TESPA1: variants seen among roughly 807,000 people sequenced by gnomAD.
TESPA1 encodes thymocyte expressed, positive selection associated 1.
Under a neutral mutation model 57.9 loss-of-function variants are expected in TESPA1, and 33 were observed. The ratio of observed to expected loss-of-function variants is 0.57; its 90% CI spans 0.43 to 0.76. The LOEUF (loss-of-function observed/expected upper bound fraction) is 0.76. Ranked by LOEUF, TESPA1 falls within the 30% of genes least tolerant of loss-of-function variation. The pLI, the probability that TESPA1 is intolerant of heterozygous loss-of-function variation, is 0.00. For missense variants in TESPA1, 618 were observed against 632.9 expected (o/e 0.98, Z 0.25); for synonymous variants, 227 against 228.9 (o/e 0.99, Z 0.07).
At chr12:54,977,341 C>T (rs192530204) in intron 1 of TESPA1, among the ~76,000 whole-genome samples, 14 of 152,160 alleles carry the variant, frequency 9.2e-5, no homozygotes, top group African/African-American at 3.4e-4. Context: ...GCAGGGAGAT[C>T]GGCTGCAAAA....
intron 3 of TESPA1, 104 bp from the exon 4 acceptor site, chr12:54,967,996 T>A: frequency 6.4e-7 from 1 of 1,567,198 alleles, no homozygotes; most frequent in Non-Finnish European, 8.6e-7. Flanking sequence ...CCAGTGAGAG[T>A]CAGTAGTATT....
Position 54,983,771 on chromosome 12 carries a change from C to A in TESPA1, c.-46+814G>T, listed in dbSNP as rs116755383. ...ATGGGAAAACCCCAGGGTGGAGGAT[C>A]TTTCCACTCCTCCATCTACCCCAAA... On this transcript the variant is annotated intron_variant, in intron 1 of 10. Coordinates refer to ENST00000449076, the MANE Select transcript of TESPA1 (RefSeq NM_001136030.3). 7.4e-3 allele frequency among the ~76,000 whole-genome samples: 1,125 copies of A among 152,280 alleles called. 14 individuals carry two copies. Among genetic ancestry groups the A allele is most frequent in the African/African-American group, 0.025 (1,055 of 41,562 alleles).
In TESPA1 at chr12:54,950,285, G is replaced by C; in HGVS notation, c.*107C>G. ...GGGGGTTTGGAGGACCAAGGAGTAG[G>C]GGCTGGATGTTGAGGGCAGTGCAGT... On this transcript the variant is annotated 3_prime_UTR_variant, in exon 11 of 11. Transcript: ENST00000449076. The C allele has an allele frequency of 4.4e-6, 2 of 456,896 alleles. No homozygotes were observed. The highest frequency in any genetic ancestry group is 3.1e-5 in the South Asian group (2 of 64,568). The allele number at this position is 456,896 out of a possible 1,614,324, so 28.3% of individuals were successfully genotyped here. A position where few individuals can be genotyped will look rare whatever the true frequency, so the allele number is the denominator to read the frequency against.
chr12:54,948,176 G>C lies in TESPA1; in HGVS notation c.*2216C>G, dbSNP rs1331367618. ...ATTATTCTCTGGCAGGCAGGGGTGG[G>C]GGTCACAAGGTGCTCAGTGGGGGAG... On this transcript the variant is annotated 3_prime_UTR_variant, in exon 11 of 11. Transcript: ENST00000449076. The C allele has an allele frequency of 6.5e-6, 1 of 152,704 alleles. No homozygotes were observed. The highest frequency in any genetic ancestry group is 1.9e-4 in the East Asian group (1 of 5,210). The allele number at this position is 152,704 out of a possible 1,614,324, so 9.5% of individuals were successfully genotyped here. A position where few individuals can be genotyped will look rare whatever the true frequency, so the allele number is the denominator to read the frequency against.
chr12:54,954,794 C>T (rs1287312245), intron 10 of TESPA1, among the ~76,000 whole-genome samples: 1 of 152,200 alleles, frequency 6.6e-6, no homozygotes, highest in Non-Finnish European at 1.5e-5. Context: ...AATAATATTT[C>T]ACTGTATATA....
intron 2 of TESPA1, 29 bp downstream of exon 2, chr12:54,974,371 T>G: frequency 1.9e-6 from 3 of 1,553,276 alleles, no homozygotes; most frequent in Non-Finnish European, 2.6e-6. Context: ...CCAGACAACA[T>G]AGACGCCTGT....
intron 4 of TESPA1, 48 bp downstream of exon 4, chr12:54,967,795 A>G (rs1411911352): frequency 5.0e-6 from 8 of 1,607,144 alleles, no homozygotes; most frequent in African/African-American, 1.3e-5. Context: ...GCACAGGTAT[A>G]TCACTCTCCA....
chr12:54,980,587 G>A (rs1355215063), intron 1 of TESPA1, among the ~76,000 whole-genome samples: 1 of 152,242 alleles, frequency 6.6e-6, no homozygotes, highest in African/African-American at 2.4e-5. Context: ...TGTCTGGGGA[G>A]TCTTGAGGAA....
intron 3 of TESPA1, among the ~76,000 whole-genome samples, chr12:54,968,571 T>C (rs1381270068): frequency 6.6e-6 from 1 of 152,158 alleles, no homozygotes; most frequent in Admixed American, 6.5e-5. Context: ...GTGACAGGGC[T>C]TTGAAATGTG....
At chr12:54,979,207 T>A (rs990880531) in intron 1 of TESPA1, among the ~76,000 whole-genome samples, 3 of 151,882 alleles carry the variant, frequency 2.0e-5, no homozygotes, top group East Asian at 3.9e-4. Flanking sequence ...TTCTCCTATT[T>A]AAAAAAAATA....
At chr12:54,980,029 T>G (rs1216543658) in intron 1 of TESPA1, among the ~76,000 whole-genome samples, 1 of 152,182 alleles carries the variant, frequency 6.6e-6, no homozygotes, top group Non-Finnish European at 1.5e-5. Flanking sequence ...GCCACATCCC[T>G]GTAGTGCTGA....
rs553808821 is a variant in TESPA1 at position 54,982,413 on chromosome 12, T to A, written c.-46+2172A>T. On this transcript the variant is annotated intron_variant, in intron 1 of 10. Coordinates refer to ENST00000449076, the MANE Select transcript of TESPA1 (RefSeq NM_001136030.3). ...ATAGAACTCCTATTCCCCTCCCTTT[T>A]CATACTCTTTCTCCCACAAATAAGC... Among the ~76,000 whole-genome samples the A allele has an allele frequency of 5.9e-5, 9 of 152,344 alleles. No individual in the cohort carries two copies. The South Asian group carries it at 1.9e-3, about 32-fold the overall frequency.
At chr12:54,952,963 C>T (rs1043843363) in intron 10 of TESPA1, among the ~76,000 whole-genome samples, 2 of 152,142 alleles carry the variant, frequency 1.3e-5, no homozygotes, top group Non-Finnish European at 2.9e-5. Context: ...CAAGTCTAAT[C>T]GGTCCTGGCT....
intron 4 of TESPA1, 133 bp downstream of exon 4, chr12:54,967,710 C>G: frequency 9.3e-7 from 1 of 1,078,930 alleles, no homozygotes; most frequent in Non-Finnish European, 1.3e-6. Context: ...TGTTTTGCAG[C>G]CAGTTTAAGA....
intron 1 of TESPA1, among the ~76,000 whole-genome samples, chr12:54,983,466 C>A (rs1952396440): frequency 6.6e-6 from 1 of 152,134 alleles, no homozygotes; most frequent in Non-Finnish European, 1.5e-5. Context: ...CTCAGCTGAA[C>A]AACTATTGAG....
intron 10 of TESPA1, among the ~76,000 whole-genome samples, chr12:54,952,637 T>C (rs2371053): frequency 0.21 from 31,235 of 152,222 alleles, 5,452 homozygotes; most frequent in East Asian, 0.84. Context: ...GTATCTAATA[T>C]GGCAATCTGT....
intron 10 of TESPA1, among the ~76,000 whole-genome samples, chr12:54,957,012 G>C (rs1341058930): frequency 6.6e-6 from 1 of 152,180 alleles, no homozygotes; most frequent in Non-Finnish European, 1.5e-5. Flanking sequence ...AGCACTGCAT[G>C]GGGGGTTAAG....
At chr12:54,959,902 A>G (rs917784560) in intron 10 of TESPA1, among the ~76,000 whole-genome samples, 4 of 152,218 alleles carry the variant, frequency 2.6e-5, no homozygotes, top group Admixed American at 6.5e-5. Flanking sequence ...GTGACTAAAT[A>G]CATACATATG....
rs1396556072 is a variant in TESPA1 at position 54,963,165 on chromosome 12, G to T, written c.733C>A (p.Pro245Thr). The T allele has an allele frequency of 6.2e-7, 1 of 1,613,858 alleles. No individual in the cohort carries two copies. Among genetic ancestry groups the T allele is most frequent in the East Asian group, 2.2e-5 (1 of 44,866 alleles). Residue 245 changes from proline to threonine, a missense_variant, in exon 9 of 11, where the codon CCT (proline) becomes ACT (threonine). By Grantham distance (38) the Pro-to-Thr change is conservative. Coordinates refer to ENST00000449076, the MANE Select transcript of TESPA1 (RefSeq NM_001136030.3). ...FCLYSYVSKT[P>T]VQKFTPSHMF... ...TGGGATGGTGTGAACTTTTGGACAG[G>T]TGTCTTAGACACATAGGAGTAGAGA...
Sources: allele counts gnomAD v4.1 joint callset (sites outside exome capture counted in the v4.1 genomes callset), GRCh38; gene constraint gnomAD v4.1.1; transcripts MANE v1.5; gene names NCBI Gene and HGNC (gene_info 2026-07-23, HGNC 2026-07-21).